The following ZNF407 variants were observed in gnomAD, a reference collection of about 807,000 sequenced individuals.
ZNF407 encodes the protein zinc finger protein 407.
ZNF407 carries 17 observed loss-of-function variants against 131.2 expected under a neutral mutation model. That is an observed-to-expected ratio of 0.13 (90% confidence interval 0.09 to 0.19). ZNF407 has a LOEUF of 0.19. ZNF407 is among the 10% of genes least tolerant of loss of function. ZNF407 has a pLI of 1.00. For missense variants in ZNF407, 2,681 were observed against 2,830.6 expected (o/e 0.95, Z 1.20); for synonymous variants, 1,156 against 1,062.0 (o/e 1.09, Z -1.72).
At chr18:74,671,265 A>G (rs1480274481) in intron 3 of ZNF407, among the ~76,000 whole-genome samples, 1 of 152,080 alleles carries the variant, frequency 6.6e-6, no homozygotes, top group Non-Finnish European at 1.5e-5. Context: ...TCTGTGTGTC[A>G]GAATTTCTTT....
At position 75,065,287 on chromosome 18, in the gene ZNF407, A is replaced by G. The variant is rs1338965623; in HGVS notation, c.*819A>G. 1 of 152,260 alleles carries G rather than the reference A, an allele frequency of 6.6e-6. No homozygotes were observed. Among genetic ancestry groups the G allele is most frequent in the Non-Finnish European group, 1.5e-5 (1 of 68,046 alleles). 9.4% of individuals were successfully genotyped at this position (152,260 alleles called of 1,614,324 possible). On this transcript the variant is annotated 3_prime_UTR_variant, in exon 9 of 9. Transcript: ENST00000299687. ...GCACACGCTGGAAGATATTGTTCCT[A>G]TCAATATTTTGCTTTTTATAACAAG...
Position 74,673,403 on chromosome 18 carries a change from C to T in ZNF407, c.4802+32281C>T, listed in dbSNP as rs1227092061. Among the ~76,000 whole-genome samples the T allele has an allele frequency of 2.6e-5, 4 of 152,204 alleles. 1 individual carries two copies. Among genetic ancestry groups the T allele is most frequent in the Admixed American group, 2.6e-4 (4 of 15,286 alleles). On this transcript the variant is annotated intron_variant, in intron 3 of 8. Coordinates refer to ENST00000299687, the MANE Select transcript of ZNF407 (RefSeq NM_017757.3). ...GGCGTTTGTGCTCATTGGCTAGGGTCCCCTGAAATCTCTCTGGTTGTGACC... is the reference window on the plus strand; with the variant it reads ...GGCGTTTGTGCTCATTGGCTAGGGTTCCCTGAAATCTCTCTGGTTGTGACC...
intron 4 of ZNF407, among the ~76,000 whole-genome samples, chr18:74,787,816 A>T (rs536268413): frequency 1.4e-4 from 22 of 152,360 alleles, no homozygotes; most frequent in African/African-American, 5.0e-4. Context: ...CATTTAGCAC[A>T]CAGCTATGAC....
intron 4 of ZNF407, chr18:74,803,850 G>T: frequency 2.8e-6 from 3 of 1,085,226 alleles, no homozygotes; most frequent in Non-Finnish European, 4.0e-6. Flanking sequence ...ACTTTCTGGA[G>T]CATGGTTTCA....
rs1984420794 is a variant in ZNF407, at chr18:74,635,545, A to G, written c.4526A>G (p.His1509Arg). ...QNLFLHIKGQ[H>R]EELLREVNKY... ...TTATTTTTACATATTAAAGGACAGC[A>G]TGAGGAATTGCTGCGGGAGGTGAAT... The change falls in exon 2 of 9, where the codon CAT (histidine) becomes CGT (arginine). Residue 1509 changes from histidine to arginine, a missense_variant. Transcript: ENST00000299687. The surrounding 1 kb of genome is among the most constrained non-coding windows in gnomAD (Gnocchi z 4.7). 1.2e-6 allele frequency: 2 copies of G among 1,613,702 alleles called. No individual in the cohort carries two copies. Among genetic ancestry groups the G allele is most frequent in the Non-Finnish European group, 1.7e-6 (2 of 1,179,792 alleles).
At chr18:74,711,520 G>A (rs1967761932) in intron 3 of ZNF407, among the ~76,000 whole-genome samples, 1 of 152,160 alleles carries the variant, frequency 6.6e-6, no homozygotes, top group Admixed American at 6.6e-5. Context: ...GTGGGGGACT[G>A]TCATCCCTTA....
intron 8 of ZNF407, among the ~76,000 whole-genome samples, chr18:75,012,456 T>C (rs1052539046): frequency 3.9e-5 from 6 of 152,088 alleles, no homozygotes; most frequent in African/African-American, 1.4e-4. Flanking sequence ...TGTACAATGC[T>C]GAAATGATTT....
chr18:74,894,883 C>G (rs562201073), intron 7 of ZNF407, among the ~76,000 whole-genome samples: 13 of 152,278 alleles, frequency 8.5e-5, no homozygotes, highest in Non-Finnish European at 1.6e-4. Flanking sequence ...TTCCTTCAGA[C>G]TAGTTTTGGC....
In ZNF407 at chr18:74,864,324, T is replaced by C. The variant is rs1970980572; in HGVS notation, c.4878-12873T>C. ...AAATTAGAATTATAGGGTTTTATTA[T>C]TGGATCATACTTCGAAGATAATTTA... On this transcript the variant is annotated intron_variant, in intron 4 of 8. Coordinates refer to ENST00000299687, the MANE Select transcript of ZNF407 (RefSeq NM_017757.3). Among the ~76,000 whole-genome samples, 6 of 152,208 alleles carry C rather than the reference T, an allele frequency of 3.9e-5. No individual in the cohort carries two copies. In the South Asian group the frequency reaches 1.2e-3, roughly 32 times the overall value.
intron 8 of ZNF407, among the ~76,000 whole-genome samples, chr18:75,043,940 G>A (rs538378441): frequency 1.5e-4 from 23 of 152,224 alleles, no homozygotes; most frequent in African/African-American, 3.6e-4. Flanking sequence ...AAACTGCTCC[G>A]TTTACTTTGA....
At chr18:74,776,147 G>T (rs762343303) in intron 3 of ZNF407, among the ~76,000 whole-genome samples, 8 of 152,156 alleles carry the variant, frequency 5.3e-5, no homozygotes, top group Non-Finnish European at 1.2e-4. Context: ...TTCAGGAATG[G>T]GATTAGTGTC....
intron 8 of ZNF407, among the ~76,000 whole-genome samples, chr18:74,983,735 G>A (rs1467378470): frequency 6.6e-6 from 1 of 152,234 alleles, no homozygotes; most frequent in Non-Finnish European, 1.5e-5. Flanking sequence ...GGACACGCCA[G>A]GAGCATCCAT....
chr18:74,695,747 C>T (rs1354465319), intron 3 of ZNF407, among the ~76,000 whole-genome samples: 3 of 152,166 alleles, frequency 2.0e-5, no homozygotes, highest in Admixed American at 1.3e-4. Flanking sequence ...CCCCTTTCTT[C>T]CCCATGATTT....
chr18:74,877,508 T>C, intron 5 of ZNF407, 145 bp downstream of exon 5: 1 of 817,056 alleles, frequency 1.2e-6, no homozygotes, highest in Non-Finnish European at 1.9e-6. Context: ...TATGTATTTA[T>C]AGGTATGGTA....
At chr18:74,950,715 G>C (rs540466370) in intron 8 of ZNF407, among the ~76,000 whole-genome samples, 1 of 152,182 alleles carries the variant, frequency 6.6e-6, no homozygotes, top group Non-Finnish European at 1.5e-5. Context: ...TTTGCTGCGC[G>C]TTAAGAAGCT....
At chr18:74,879,593 A>C (rs1971210772) in intron 5 of ZNF407, among the ~76,000 whole-genome samples, 1 of 152,202 alleles carries the variant, frequency 6.6e-6, no homozygotes. Context: ...AGTGATTATA[A>C]TTAAACTTTA....
At chr18:74,926,676 G>A (rs1255091950) in intron 8 of ZNF407, among the ~76,000 whole-genome samples, 1 of 152,152 alleles carries the variant, frequency 6.6e-6, no homozygotes, top group Admixed American at 6.5e-5. Flanking sequence ...GGTGGTGGGT[G>A]CCTGTAATCC....
intron 8 of ZNF407, among the ~76,000 whole-genome samples, chr18:74,969,506 T>G (rs1418650030): frequency 2.0e-5 from 3 of 152,246 alleles, no homozygotes; most frequent in African/African-American, 4.8e-5. Context: ...TATTTCAGTT[T>G]GCTTGTTTGA....
intron 8 of ZNF407, among the ~76,000 whole-genome samples, chr18:74,946,710 A>G (rs1972157592): frequency 6.6e-6 from 1 of 152,266 alleles, no homozygotes; most frequent in African/African-American, 2.4e-5. Flanking sequence ...TTAAAAATTA[A>G]ATATAAGAAA....
Sources: allele counts gnomAD v4.1 joint callset (sites outside exome capture counted in the v4.1 genomes callset), GRCh38; gene constraint gnomAD v4.1.1; non-coding constraint Gnocchi (gnomAD v3.1); transcripts MANE v1.5; gene names NCBI Gene and HGNC (gene_info 2026-07-23, HGNC 2026-07-21).